PATJ: variants seen among roughly 807,000 people sequenced by gnomAD.
The protein encoded by PATJ is inaD-like protein.
A neutral mutation model predicts 224.9 loss-of-function variants in PATJ; 190 were observed. The observed-to-expected ratio is 0.84, with a 90% CI of 0.75 to 0.95. PATJ has a LOEUF of 0.95. Among genes scored for constraint, PATJ ranks in the 40% least tolerant of loss-of-function variants. The pLI is 0.00. For synonymous variants in PATJ, 769 were observed against 820.3 expected, an observed-to-expected ratio of 0.94 and a Z score of 1.07; for missense variants, 2,121 against 2,270.3, an observed-to-expected ratio of 0.93 and a Z score of 1.34.
intron 41 of PATJ, among the ~76,000 whole-genome samples, chr1:62,140,835 G>A (rs1409164486): frequency 1.3e-5 from 2 of 151,902 alleles, no homozygotes; most frequent in Non-Finnish European, 2.9e-5. Flanking sequence ...CTTGAGTCCA[G>A]GAGTTCAAGG....
At chr1:62,029,619 TA>T (rs1307753615) in intron 29 of PATJ, among the ~76,000 whole-genome samples, 1 of 152,150 alleles carries the variant, frequency 6.6e-6, no homozygotes, top group East Asian at 1.9e-4. Flanking sequence ...CATCCAAAAA[TA>T]CAGTGAAATA....
intron 31 of PATJ, among the ~76,000 whole-genome samples, chr1:62,069,420 G>A (rs776247563): frequency 1.3e-5 from 2 of 152,130 alleles, no homozygotes; most frequent in Non-Finnish European, 2.9e-5. Context: ...GGTCTGTTGT[G>A]TACACCAACA....
At position 62,018,944 on chromosome 1, in the gene PATJ, T is replaced by C. The variant is rs1352421255; in HGVS notation, c.3959+997T>C. ...TCCCTTCCCACTTCTACTTTGCTCCTGAAGAAATCCTACATTAGGGCCAGG... is the reference window on the plus strand; with the variant it reads ...TCCCTTCCCACTTCTACTTTGCTCCCGAAGAAATCCTACATTAGGGCCAGG... On this transcript the variant is annotated intron_variant, in intron 29 of 43. Transcript: ENST00000642238. This position sits in a 1 kb window ranked among gnomAD's most constrained non-coding sequence, Gnocchi z 4.2. Among the ~76,000 whole-genome samples, 1 of 152,128 alleles carries C rather than the reference T, an allele frequency of 6.6e-6. No homozygotes were observed. The highest frequency in any genetic ancestry group is 1.5e-5 in the Non-Finnish European group (1 of 68,006).
chr1:62,030,187 T>C (rs1024463391), intron 29 of PATJ, among the ~76,000 whole-genome samples: 1 of 152,212 alleles, frequency 6.6e-6, no homozygotes, highest in Non-Finnish European at 1.5e-5. Context: ...AATTTTTTGG[T>C]TGATGGCTGA....
At chr1:61,862,597 G>A (rs1664790454) in intron 19 of PATJ, among the ~76,000 whole-genome samples, 1 of 152,088 alleles carries the variant, frequency 6.6e-6, no homozygotes, top group Admixed American at 6.5e-5. Flanking sequence ...ATACACTAAT[G>A]TATTCCTAAA....
chr1:61,775,164 G>GT, intron 6 of PATJ, 42 bp from the exon 7 acceptor site: 1 of 1,584,396 alleles, frequency 6.3e-7, no homozygotes, highest in Non-Finnish European at 8.6e-7. Context: ...GAACCTGTGT[G>GT]TATTACTGAT....
At chr1:62,080,999 G>A (rs1343801850) in intron 32 of PATJ, among the ~76,000 whole-genome samples, 1 of 152,116 alleles carries the variant, frequency 6.6e-6, no homozygotes, top group Non-Finnish European at 1.5e-5. Context: ...ATATTTCAGT[G>A]TCCACAAATA....
At chr1:61,911,705 A>G (rs1672676886) in intron 25 of PATJ, among the ~76,000 whole-genome samples, 2 of 147,092 alleles carry the variant, frequency 1.4e-5, no homozygotes, top group South Asian at 4.2e-4. Flanking sequence ...TTATATATAT[A>G]TATATATATA....
chr1:61,858,976 T>G (rs939323108), intron 18 of PATJ, among the ~76,000 whole-genome samples: 7 of 152,200 alleles, frequency 4.6e-5, no homozygotes, highest in Non-Finnish European at 1.0e-4. Flanking sequence ...GCTTGGTTTG[T>G]GTTTTGGATA....
intron 30 of PATJ, among the ~76,000 whole-genome samples, chr1:62,043,615 T>A (rs914651771): frequency 6.6e-6 from 1 of 152,172 alleles, no homozygotes; most frequent in East Asian, 1.9e-4. Context: ...TCTTCCATTT[T>A]TAATAGTTAC....
At chr1:61,880,557 A>T (rs1158189646) in intron 21 of PATJ, among the ~76,000 whole-genome samples, 2 of 152,224 alleles carry the variant, frequency 1.3e-5, no homozygotes, top group South Asian at 2.1e-4. Flanking sequence ...GCTCTACCAG[A>T]TATTTTTTAA....
chr1:62,056,215 T>C lies in PATJ; in HGVS notation c.4125+5157T>C, dbSNP rs192221021. On this transcript the variant is annotated intron_variant, in intron 31 of 43. Coordinates refer to ENST00000642238, the MANE Select transcript of PATJ (RefSeq NM_001350145.3). The stretch of plus-strand genomic sequence containing the variant: ...TAGTGTTTTACCAGCTAGCTAGATA[T>C]CCCTTAATCCACTCAGATGGATACC... 2.9e-3 allele frequency among the ~76,000 whole-genome samples: 436 copies of C among 152,292 alleles called. 4 individuals are homozygous for C. Among genetic ancestry groups the C allele is most frequent in the Admixed American group, 6.1e-3 (94 of 15,296 alleles).
rs565313150 is a variant in PATJ, at chr1:62,077,915, G to C, written c.4126-1535G>C. 5.3e-5 allele frequency among the ~76,000 whole-genome samples: 8 copies of C among 152,172 alleles called. No individual in the cohort carries two copies. The East Asian group carries it at 1.5e-3, about 29-fold the overall frequency. The stretch of plus-strand genomic sequence containing the variant: ...AAAAGAAAAAAAGTAATATTTAACT[G>C]TCGGGGTTGTTCATGTGATTGAATG... On this transcript the variant is annotated intron_variant, in intron 31 of 43. Coordinates refer to ENST00000642238, the MANE Select transcript of PATJ (RefSeq NM_001350145.3).
chr1:61,982,487 C>G (rs1644502298), intron 27 of PATJ, among the ~76,000 whole-genome samples: 1 of 151,992 alleles, frequency 6.6e-6, no homozygotes, highest in Non-Finnish European at 1.5e-5. Context: ...GTCAGTTCAT[C>G]TGCAAATGGA....
intron 33 of PATJ, among the ~76,000 whole-genome samples, chr1:62,098,363 A>C (rs946318589): frequency 6.6e-6 from 1 of 151,382 alleles, no homozygotes; most frequent in African/African-American, 2.4e-5. Context: ...CATCTCAAAA[A>C]AAAAAAGAAA....
Position 62,113,852 on chromosome 1 carries a change from A to T in PATJ, c.4462-201A>T, listed in dbSNP as rs144115383. ...ATTATCATGTATCCACCCTTTGTGCACATGTTGGGTAGGATATTTTAAGGG... is the reference window on the plus strand; with the variant it reads ...ATTATCATGTATCCACCCTTTGTGCTCATGTTGGGTAGGATATTTTAAGGG... On this transcript the variant is annotated intron_variant, in intron 34 of 43. Coordinates refer to ENST00000642238, the MANE Select transcript of PATJ (RefSeq NM_001350145.3). Among the ~76,000 whole-genome samples, 365 of 152,276 alleles carry T rather than the reference A, an allele frequency of 2.4e-3. 6 individuals are homozygous for T. The highest frequency in any genetic ancestry group is 8.1e-3 in the African/African-American group (337 of 41,560).
At chr1:62,132,732 G>A (rs2666497) in intron 41 of PATJ, among the ~76,000 whole-genome samples, 2,284 of 151,808 alleles carry the variant, frequency 0.015, 59 homozygotes, top group African/African-American at 0.052. Context: ...GTGAGACCCC[G>A]TCTCTACAAA....
intron 13 of PATJ, among the ~76,000 whole-genome samples, chr1:61,805,725 C>A (rs1399779991): frequency 6.6e-6 from 1 of 152,108 alleles, no homozygotes; most frequent in Non-Finnish European, 1.5e-5. Context: ...TTAAGGACTG[C>A]ACACAAACTT....
chr1:61,895,489 G>T (rs1670229979), intron 22 of PATJ, among the ~76,000 whole-genome samples: 1 of 152,212 alleles, frequency 6.6e-6, no homozygotes, highest in African/African-American at 2.4e-5. Context: ...TGGCTAAAAG[G>T]CGCCAAGGTA....
Sources: allele counts gnomAD v4.1 joint callset (sites outside exome capture counted in the v4.1 genomes callset), GRCh38; gene constraint gnomAD v4.1.1; non-coding constraint Gnocchi (gnomAD v3.1); transcripts MANE v1.5; gene names NCBI Gene and HGNC (gene_info 2026-07-23, HGNC 2026-07-21).